PXDNL: variants seen among roughly 807,000 people sequenced by gnomAD.
The protein encoded by PXDNL is probable oxidoreductase PXDNL.
PXDNL carries 145 observed loss-of-function variants against 150.8 expected under a neutral mutation model. The ratio of observed to expected loss-of-function variants is 0.96; its 90% CI spans 0.84 to 1.10. PXDNL has a LOEUF of 1.10. Ranked by LOEUF, PXDNL falls within the 50% of genes least tolerant of loss-of-function variation. The pLI, the probability that PXDNL is intolerant of heterozygous loss-of-function variation, is 0.00. For synonymous variants in PXDNL, 757 were observed against 725.7 expected (o/e 1.04, Z -0.69); for missense variants, 2,087 against 1,873.9 (o/e 1.11, Z -2.10).
intron 12 of PXDNL, chr8:51,436,291 G>A (rs1186987502): frequency 1.8e-5 from 9 of 487,060 alleles, no homozygotes; most frequent in Non-Finnish European, 3.3e-5. Flanking sequence ...TGTTGCTCTT[G>A]TAGAAATAGG....
chr8:51,339,104 A>G (rs11778440), intron 21 of PXDNL, among the ~76,000 whole-genome samples: 46,590 of 152,012 alleles, frequency 0.31, 8,380 homozygotes, highest in African/African-American at 0.5. Flanking sequence ...GAAAGGATGA[A>G]GCTCTCTGCC....
rs761766728 is a variant in PXDNL at position 51,453,616 on chromosome 8, G to C, written c.1152C>G (p.Tyr384Ter). Reference sequence around the variant, plus strand: ...GATCCCGTTGTGTGATGTTCTGTAAGTAAAGTCCACTGGACGTTGCCACGT... The same window carrying C: ...GATCCCGTTGTGTGATGTTCTGTAACTAAAGTCCACTGGACGTTGCCACGT... ...SRHVATSSGLYLQNITQRDHG... is the reference protein window; with the variant it reads ...SRHVATSSGL The change falls in exon 10 of 23, where the codon TAC becomes TAG. Residue 384 changes from tyrosine (Y) to a stop codon, truncating the protein, a stop_gained. Coordinates refer to ENST00000356297, the MANE Select transcript of PXDNL (RefSeq NM_144651.5). LOFTEE classifies it high-confidence loss of function. 1 of 1,614,052 alleles carries C rather than the reference G, an allele frequency of 6.2e-7. No homozygotes were observed. Among genetic ancestry groups the C allele is most frequent in the Non-Finnish European group, 8.5e-7 (1 of 1,179,902 alleles).
intron 2 of PXDNL, among the ~76,000 whole-genome samples, chr8:51,617,649 ACTTT>A (rs1439352511): frequency 6.6e-6 from 1 of 152,304 alleles, no homozygotes; most frequent in Non-Finnish European, 1.5e-5. Flanking sequence ...GAGTGTTGGG[ACTTT>A]CTTTCAGGTT....
intron 1 of PXDNL, among the ~76,000 whole-genome samples, chr8:51,717,689 G>T (rs1296880343): frequency 6.6e-6 from 1 of 152,216 alleles, no homozygotes; most frequent in African/African-American, 2.4e-5. Context: ...TCAGAGGAGG[G>T]GCTCAGGGAA....
At chr8:51,777,191 C>G (rs544035109) in intron 1 of PXDNL, among the ~76,000 whole-genome samples, 9 of 152,292 alleles carry the variant, frequency 5.9e-5, no homozygotes, top group African/African-American at 2.2e-4. Flanking sequence ...GGTGGGAATA[C>G]GAGTTCCAAT....
chr8:51,682,054 G>T (rs950440145), intron 1 of PXDNL, among the ~76,000 whole-genome samples: 3 of 152,142 alleles, frequency 2.0e-5, no homozygotes, highest in African/African-American at 7.2e-5. Flanking sequence ...ATAACTGCAA[G>T]AGGAAAGTGA....
At chr8:51,463,873 CA>C (rs1563423307) in intron 8 of PXDNL, among the ~76,000 whole-genome samples, 1 of 151,876 alleles carries the variant, frequency 6.6e-6, no homozygotes, top group Non-Finnish European at 1.5e-5. Flanking sequence ...TAAAACAAAT[CA>C]AAAAATTCTT....
chr8:51,721,747 T>C, intron 1 of PXDNL: 1 of 413,620 alleles, frequency 2.4e-6, no homozygotes, highest in Admixed American at 2.6e-5. Context: ...ATCATCATCC[T>C]CTCCAGCAGC....
chr8:51,705,559 T>C (rs1438961251), intron 1 of PXDNL, among the ~76,000 whole-genome samples: 5 of 152,244 alleles, frequency 3.3e-5, no homozygotes, highest in Non-Finnish European at 1.5e-5. Flanking sequence ...AAGGTGATAA[T>C]TTCTCTATCA....
intron 3 of PXDNL, among the ~76,000 whole-genome samples, chr8:51,578,100 GAA>G (rs1242937651): frequency 7.4e-6 from 1 of 134,918 alleles, no homozygotes. Flanking sequence ...AAGAAAGAAA[GAA>G]AAAGAAAGAA....
At chr8:51,793,276 C>T (rs1425509416) in intron 1 of PXDNL, among the ~76,000 whole-genome samples, 1 of 152,148 alleles carries the variant, frequency 6.6e-6, no homozygotes, top group East Asian at 1.9e-4. Context: ...AAACAGAAAG[C>T]AACAATAACA....
intron 3 of PXDNL, among the ~76,000 whole-genome samples, chr8:51,563,141 C>A (rs1034229049): frequency 1.3e-4 from 19 of 151,946 alleles, no homozygotes; most frequent in East Asian, 3.9e-4. Flanking sequence ...TCTCATGAAG[C>A]CATATGGAGC....
At chr8:51,382,362 GT>G (rs1363765116) in intron 17 of PXDNL, among the ~76,000 whole-genome samples, 5 of 152,148 alleles carry the variant, frequency 3.3e-5, no homozygotes, top group African/African-American at 1.2e-4. Flanking sequence ...CTCCAGAACT[GT>G]GGGATGATAA....
In PXDNL at chr8:51,345,863, T is replaced by G. The variant is rs765496785; in HGVS notation, c.3986A>C (p.Lys1329Thr). ...TCTTAGATGACTTAACTCCATATCC[T>G]TATCAACAGGATAGCTGTATTGAGC... is the stretch of plus-strand genomic sequence containing the variant. ...RSAQYSYPVD[K>T]DMELSHLRSR... Residue 1329 changes from lysine (K) to threonine (T), a missense_variant, in exon 20 of 23, where the codon AAG becomes ACG. Lys to Thr is a moderately conservative substitution (Grantham distance 78). Coordinates refer to ENST00000356297, the MANE Select transcript of PXDNL (RefSeq NM_144651.5). 3 of 1,612,992 alleles carry G rather than the reference T, an allele frequency of 1.9e-6. No homozygotes were observed. The South Asian group carries it at 3.3e-5, about 18-fold the overall frequency.
intron 6 of PXDNL, among the ~76,000 whole-genome samples, chr8:51,481,900 TG>T (rs1181031828): frequency 6.6e-6 from 1 of 152,038 alleles, no homozygotes; most frequent in Non-Finnish European, 1.5e-5. Flanking sequence ...GCTGCAGGGG[TG>T]GGGCCCTCAT....
intron 1 of PXDNL, among the ~76,000 whole-genome samples, chr8:51,752,645 C>G (rs1211691384): frequency 7.6e-6 from 1 of 131,642 alleles, no homozygotes; most frequent in Non-Finnish European, 1.6e-5. Flanking sequence ...GGTATGCCCC[C>G]ACCTGCACAG....
intron 5 of PXDNL, among the ~76,000 whole-genome samples, chr8:51,494,328 G>A (rs563166250): frequency 6.6e-6 from 1 of 152,062 alleles, no homozygotes; most frequent in Admixed American, 6.6e-5. Flanking sequence ...GCAAAAACAT[G>A]CCAAATTGTA....
intron 21 of PXDNL, among the ~76,000 whole-genome samples, chr8:51,323,265 A>G (rs551417627): frequency 1.1e-4 from 16 of 152,238 alleles, no homozygotes; most frequent in African/African-American, 3.6e-4. Flanking sequence ...ATTTAAGGGA[A>G]ATAGTTTTGC....
chr8:51,408,950 CTGTT>C lies in PXDNL; in HGVS notation c.2670_2673del (p.Thr891ProfsTer29). ...TAAACGTTGGAGCCATCGATGTAGG[CTGTT>C]TGCTGGTTGATCTGCTCTCGTGCAT... On this transcript the variant is annotated frameshift_variant, in exon 17 of 23. Coordinates refer to ENST00000356297, the MANE Select transcript of PXDNL (RefSeq NM_144651.5). LOFTEE classifies it high-confidence loss of function. The C allele has an allele frequency of 6.2e-7, 1 of 1,612,780 alleles. No homozygotes were observed. Among genetic ancestry groups the C allele is most frequent in the Non-Finnish European group, 8.5e-7 (1 of 1,179,808 alleles).
Sources: allele counts gnomAD v4.1 joint callset (sites outside exome capture counted in the v4.1 genomes callset), GRCh38; gene constraint gnomAD v4.1.1; transcripts MANE v1.5; gene names NCBI Gene and HGNC (gene_info 2026-07-23, HGNC 2026-07-21).